Variants in CPD observed in about 807,000 individuals in gnomAD.
CPD encodes the protein metallocarboxypeptidase D.
Under a neutral mutation model 138.3 loss-of-function variants are expected in CPD, and 69 were observed. The observed-to-expected ratio is 0.50, with a 90% confidence interval of 0.41 to 0.61. The LOEUF is 0.61. CPD is among the 20% of genes least tolerant of loss of function. The probability of loss-of-function intolerance (pLI) is 0.00; values close to 1 mark genes in which losing one functional copy is unlikely to be tolerated. For synonymous variants in CPD, 651 were observed against 642.1 expected (o/e 1.01, Z -0.21); for missense variants, 1,432 against 1,733.3 (o/e 0.83, Z 3.09).
At chr17:30,462,729 G>C (rs1342894518) in intron 20 of CPD, among the ~76,000 whole-genome samples, 6 of 152,122 alleles carry the variant, frequency 3.9e-5, no homozygotes, top group Non-Finnish European at 7.4e-5. Context: ...AAATATAGAG[G>C]TGTCAAGTGG....
chr17:30,442,913 T>C (rs1016451315), intron 10 of CPD, among the ~76,000 whole-genome samples: 2 of 152,184 alleles, frequency 1.3e-5, no homozygotes, highest in Admixed American at 1.3e-4. Context: ...ATAAGAAATA[T>C]ACTAATGTTA....
Position 30,442,363 on chromosome 17 carries a change from A to G in CPD, c.2286A>G (p.Glu762=). ...LQTNCFEVTI[E]LGCVKYPLEK... ...CAAATTGCTTTGAAGTGACTATTGA[A>G]CTAGGTTGTGTGAAATATCCACTTG... Residue 762 remains glutamate (E), a synonymous_variant, in exon 10 of 21, where the codon GAA becomes GAG. Coordinates refer to ENST00000225719, the MANE Select transcript of CPD (RefSeq NM_001304.5). 6.2e-7 allele frequency: 1 copy of G among 1,613,448 alleles called. No homozygotes were observed. Among genetic ancestry groups the G allele is most frequent in the Non-Finnish European group, 8.5e-7 (1 of 1,179,544 alleles).
chr17:30,462,205 T>C (rs1188782696), intron 19 of CPD, 143 bp downstream of exon 19: 2 of 1,069,932 alleles, frequency 1.9e-6, no homozygotes, highest in Non-Finnish European at 1.3e-6. Context: ...TATCTTGTTA[T>C]CCTTGTACCC....
In CPD at chr17:30,455,545, A is replaced by G. The variant is rs576467765; in HGVS notation, c.3337+75A>G. 7.3e-6 allele frequency: 11 copies of G among 1,506,906 alleles called. No individual in the cohort carries two copies. In the South Asian group the frequency reaches 1.4e-4, roughly 19 times the overall value. 93.3% of individuals were successfully genotyped at this position (1,506,906 alleles called of 1,614,324 possible). ...ATCCCAATTAAGTAATGTCCCTTCC[A>G]CATTTTTATAAATAGTGAGCATTTG... On this transcript the variant is annotated intron_variant, in intron 15 of 20. Coordinates refer to ENST00000225719, the MANE Select transcript of CPD (RefSeq NM_001304.5).
intron 9 of CPD, 81 bp from the exon 10 acceptor site, chr17:30,442,227 A>G: frequency 7.1e-7 from 1 of 1,413,318 alleles, no homozygotes; most frequent in Non-Finnish European, 9.7e-7. Context: ...TTGGCTTTTT[A>G]CTAGGAATGT....
At chr17:30,427,355 A>G (rs779863657) in intron 6 of CPD, 36 bp from the exon 7 acceptor site, 17 of 1,582,690 alleles carry the variant, frequency 1.1e-5, no homozygotes, top group Admixed American at 1.7e-5. Flanking sequence ...ATAAGTGAAC[A>G]TGGCTTATAT....
Position 30,446,029 on chromosome 17 carries a change from C to A in CPD, c.2873+9C>A, listed in dbSNP as rs1027016371. On this transcript the variant is annotated intron_variant, in intron 12 of 20. Transcript: ENST00000225719. ...ATTACAAATCTTACCAAGTAAGTGT[C>A]ACTTTCTATTGTCTTTTTTTTTTTT... The A allele has an allele frequency of 7.3e-6, 11 of 1,497,898 alleles. No homozygotes were observed. The highest frequency in any genetic ancestry group is 3.7e-5 in the South Asian group (3 of 81,408). The allele number at this position is 1,497,898 out of a possible 1,614,324, so 92.8% of individuals were successfully genotyped here.
At chr17:30,404,816 A>C (rs1911764785) in intron 2 of CPD, among the ~76,000 whole-genome samples, 1 of 151,926 alleles carries the variant, frequency 6.6e-6, no homozygotes, top group Admixed American at 6.6e-5. Context: ...TTGGTAGTTG[A>C]ATCTGTTAGG....
chr17:30,444,968 T>C (rs995345407), intron 11 of CPD, among the ~76,000 whole-genome samples: 4 of 152,032 alleles, frequency 2.6e-5, no homozygotes, highest in African/African-American at 9.7e-5. Flanking sequence ...GATTCTTCCA[T>C]TTTTGGCAGA....
intron 1 of CPD, among the ~76,000 whole-genome samples, chr17:30,383,020 C>T (rs1157013391): frequency 1.3e-5 from 2 of 152,130 alleles, no homozygotes; most frequent in African/African-American, 4.8e-5. Flanking sequence ...GGGAAAAATA[C>T]TTAAAAATTG....
At chr17:30,427,782 C>T (rs1168335046) in intron 7 of CPD, among the ~76,000 whole-genome samples, 1 of 151,592 alleles carries the variant, frequency 6.6e-6, no homozygotes. Context: ...TTCTCTTCTC[C>T]TTTTACCCCC....
At position 30,420,823 on chromosome 17, in the gene CPD, A is replaced by AT; in HGVS notation, c.995-12dup. On this transcript the variant is annotated splice_polypyrimidine_tract_variant and intron_variant, in intron 2 of 20. Transcript: ENST00000225719. Reference sequence around the variant, plus strand: ...TTATTTTCCTTCTGAGAGTAAACTTATTTTTTCTATGTTACAGGTGGTATG... The same window carrying AT: ...TTATTTTCCTTCTGAGAGTAAACTTATTTTTTTCTATGTTACAGGTGGTATG... 6.3e-7 allele frequency: 1 copy of AT among 1,598,356 alleles called. No individual in the cohort carries two copies. The highest frequency in any genetic ancestry group is 8.5e-7 in the Non-Finnish European group (1 of 1,170,176).
chr17:30,398,222 A>G (rs12602963), intron 2 of CPD, among the ~76,000 whole-genome samples: 5 of 106,356 alleles, frequency 4.7e-5, no homozygotes, highest in African/African-American at 2.0e-4. Context: ...GAACAGAATA[A>G]TAGAATAGAA....
chr17:30,389,570 T>C (rs1002411559), intron 2 of CPD, among the ~76,000 whole-genome samples: 5 of 152,296 alleles, frequency 3.3e-5, no homozygotes, highest in South Asian at 2.1e-4. Context: ...TGGAAAAAGT[T>C]GTAAAAGGTT....
At position 30,439,000 on chromosome 17, in the gene CPD, G is replaced by C; in HGVS notation, c.2153G>C (p.Arg718Thr). The change falls in exon 9 of 21, where the codon AGA (arginine) becomes ACA (threonine). Residue 718 changes from arginine to threonine, a missense_variant. By Grantham distance (71) the Arg-to-Thr change is moderately conservative. Around this residue, in one of 6 missense-constraint regions of CPD, gnomAD observed 297 missense variants for 405.3 expected, o/e 0.73. Coordinates refer to ENST00000225719, the MANE Select transcript of CPD (RefSeq NM_001304.5). ...GAAAATTCCCAGATGTTTCAAGGTA[G>C]ACCTTGCAAGAATATGTATCCTAAT... ...SKENSQMFQG[R>T]PCKNMYPNEY... 1 of 1,581,836 alleles carries C rather than the reference G, an allele frequency of 6.3e-7. No homozygotes were observed. Among genetic ancestry groups the C allele is most frequent in the Non-Finnish European group, 8.6e-7 (1 of 1,169,212 alleles).
intron 2 of CPD, among the ~76,000 whole-genome samples, chr17:30,395,279 A>G (rs1000930658): frequency 6.6e-6 from 1 of 150,594 alleles, no homozygotes; most frequent in Non-Finnish European, 1.5e-5. Context: ...AACAATTCAG[A>G]TATTAATTCT....
rs771698189 is a variant in CPD, at chr17:30,464,837, C to T, written c.*23C>T. The T allele has an allele frequency of 1.4e-5, 22 of 1,588,002 alleles. No homozygotes were observed. The Admixed American group carries it at 3.7e-4, about 27-fold the overall frequency. ...TGAAAAACACATTTTGCATATCTCC[C>T]AGCATAAGTACCAAGCAAAATTACA... On this transcript the variant is annotated 3_prime_UTR_variant, in exon 21 of 21. Transcript: ENST00000225719.
intron 8 of CPD, among the ~76,000 whole-genome samples, chr17:30,435,413 G>T (rs139164255): frequency 3.7e-4 from 56 of 151,916 alleles, no homozygotes; most frequent in Admixed American, 7.9e-4. Context: ...AATAGGCAAA[G>T]AATAGATTTT....
chr17:30,421,610 G>A (rs1428558639), intron 3 of CPD, 54 bp from the exon 4 acceptor site: 1 of 1,518,322 alleles, frequency 6.6e-7, no homozygotes, highest in African/African-American at 1.4e-5. Flanking sequence ...GAGAAATTAT[G>A]CGCTCTTGCC....
Sources: allele counts gnomAD v4.1 joint callset (sites outside exome capture counted in the v4.1 genomes callset), GRCh38; gene constraint gnomAD v4.1.1; regional missense constraint gnomAD v4.1.1; transcripts MANE v1.5; gene names NCBI Gene and HGNC (gene_info 2026-07-23, HGNC 2026-07-21).